Variants in RMDN2 observed in about 807,000 individuals in gnomAD.
The protein encoded by RMDN2 is regulator of microtubule dynamics protein 2.
A neutral mutation model predicts 52.8 loss-of-function variants in RMDN2; 61 were observed. That is an observed-to-expected ratio of 1.16 (90% CI 0.94 to 1.43). The LOEUF is 1.43. Among genes scored for constraint, RMDN2 ranks in the 40% most tolerant of loss-of-function variants. The probability of loss-of-function intolerance (pLI) is 0.00; values close to 1 mark genes in which losing one functional copy is unlikely to be tolerated. For missense variants in RMDN2, 592 were observed against 475.3 expected (o/e 1.25, Z -2.28); for synonymous variants, 180 against 153.1 (o/e 1.18, Z -1.30).
intron 10 of RMDN2, among the ~76,000 whole-genome samples, chr2:38,059,932 C>T (rs1008427329): frequency 3.9e-5 from 6 of 152,022 alleles, no homozygotes; most frequent in Admixed American, 6.6e-5. Context: ...GAGTCTCGCT[C>T]TGTCACCCAG....
At chr2:38,024,213 A>T (rs56770748) in intron 10 of RMDN2, among the ~76,000 whole-genome samples, 1 of 152,180 alleles carries the variant, frequency 6.6e-6, no homozygotes. Flanking sequence ...GCCTGTTTCC[A>T]GTATTTGATT....
At chr2:38,061,799 A>G (rs2125308884) in intron 10 of RMDN2, among the ~76,000 whole-genome samples, 1 of 152,262 alleles carries the variant, frequency 6.6e-6, no homozygotes, top group South Asian at 2.1e-4. Flanking sequence ...TCTGCCTACT[A>G]ATAGGTGCTC....
chr2:38,047,971 A>G (rs1014935596), intron 10 of RMDN2, among the ~76,000 whole-genome samples: 1 of 152,172 alleles, frequency 6.6e-6, no homozygotes, highest in African/African-American at 2.4e-5. Context: ...TACTCTGATC[A>G]CTCTGACTTT....
At chr2:37,941,984 C>A (rs974151378) in intron 2 of RMDN2, among the ~76,000 whole-genome samples, 10 of 152,032 alleles carry the variant, frequency 6.6e-5, no homozygotes, top group Admixed American at 5.2e-4. Flanking sequence ...TCGGTATCTG[C>A]CCAAACAGCT....
At chr2:37,936,806 C>T (rs562946579) in intron 2 of RMDN2, among the ~76,000 whole-genome samples, 15 of 152,194 alleles carry the variant, frequency 9.9e-5, no homozygotes, top group Admixed American at 3.3e-4. Context: ...CTTTGTCAGA[C>T]GAATAGATTG....
At position 37,991,624 on chromosome 2, in the gene RMDN2, G is replaced by A. The variant is rs117319817; in HGVS notation, c.945+327G>A. On this transcript the variant is annotated intron_variant, in intron 7 of 10. Transcript: ENST00000354545. The stretch of plus-strand genomic sequence containing the variant: ...TTTCATTTCTTTTTGCAGTAGTCAC[G>A]TTCCCTCCCTTTGTGGCTGTCTCAG... 1.4e-4 allele frequency among the ~76,000 whole-genome samples: 21 copies of A among 151,666 alleles called. No individual in the cohort carries two copies. The East Asian group carries it at 3.7e-3, about 27-fold the overall frequency.
rs1421698175 is a variant in RMDN2, at chr2:37,949,546, A to T, written c.452+19817A>T. 2.0e-5 allele frequency among the ~76,000 whole-genome samples: 3 copies of T among 152,202 alleles called. No individual in the cohort carries two copies. The East Asian group carries it at 5.8e-4, about 29-fold the overall frequency. ...ACCCACGAATCTCATGTCTTCTGCC[A>T]GCATCCATGATACAGTAAGAGATTA... On this transcript the variant is annotated intron_variant, in intron 2 of 10. Transcript: ENST00000354545.
intron 2 of RMDN2, among the ~76,000 whole-genome samples, chr2:37,965,464 AC>A (rs1438472805): frequency 3.3e-5 from 5 of 151,860 alleles, no homozygotes; most frequent in Non-Finnish European, 7.4e-5. Context: ...TTAAATTCAT[AC>A]CAACTTAATT....
intron 2 of RMDN2, among the ~76,000 whole-genome samples, chr2:37,945,987 C>T (rs955283326): frequency 6.6e-6 from 1 of 152,326 alleles, no homozygotes; most frequent in Non-Finnish European, 1.5e-5. Context: ...ATGTATAAAA[C>T]TCACCTCAAT....
chr2:37,983,184 A>C (rs995434156), intron 5 of RMDN2, among the ~76,000 whole-genome samples: 1 of 152,142 alleles, frequency 6.6e-6, no homozygotes, highest in Non-Finnish European at 1.5e-5. Flanking sequence ...ATCACATTAA[A>C]AATGTGCATT....
chr2:38,050,333 T>C (rs1483946758), intron 10 of RMDN2, among the ~76,000 whole-genome samples: 1 of 150,972 alleles, frequency 6.6e-6, no homozygotes, highest in Non-Finnish European at 1.5e-5. Flanking sequence ...CACACATGCC[T>C]AAGTATCCCC....
intron 10 of RMDN2, among the ~76,000 whole-genome samples, chr2:38,063,317 G>A (rs554421885): frequency 6.6e-6 from 1 of 152,232 alleles, no homozygotes; most frequent in Non-Finnish European, 1.5e-5. Context: ...ATTCTAACTG[G>A]TGTGAGATGG....
intron 2 of RMDN2, among the ~76,000 whole-genome samples, chr2:37,937,491 G>T (rs1481223704): frequency 6.6e-6 from 1 of 152,116 alleles, no homozygotes; most frequent in East Asian, 1.9e-4. Context: ...TTTGAGGAGT[G>T]TGGCCATTTT....
intron 10 of RMDN2, among the ~76,000 whole-genome samples, chr2:38,041,932 T>C (rs767037056): frequency 2.6e-5 from 4 of 152,160 alleles, no homozygotes; most frequent in African/African-American, 9.7e-5. Context: ...GTGCTCTCTT[T>C]GTCTGATTTT....
chr2:37,963,888 G>A (rs1009099578), intron 2 of RMDN2, among the ~76,000 whole-genome samples: 1 of 138,078 alleles, frequency 7.2e-6, no homozygotes, highest in Non-Finnish European at 1.7e-5. Flanking sequence ...CCCAGCAGGG[G>A]CGGCGGGGCA....
At chr2:38,033,022 T>C (rs1680321301) in intron 10 of RMDN2, 1 of 152,168 alleles carries the variant, frequency 6.6e-6, no homozygotes, top group South Asian at 2.1e-4. Context: ...CCATTGAAAA[T>C]ACATGAGAAT....
intron 10 of RMDN2, 78 bp from the exon 11 acceptor site, chr2:38,017,108 G>C: frequency 1.2e-6 from 1 of 864,444 alleles, no homozygotes; most frequent in African/African-American, 1.7e-5. Flanking sequence ...CCTCAAGTCA[G>C]TGTAAGTCTG....
In RMDN2 at chr2:37,982,863, C is replaced by T. The variant is rs186342520; in HGVS notation, c.791+1520C>T. ...AATTAACATATATGTTAAAGTACTT[C>T]TGTTCCTACGTTTAGTAGTAACTGT... On this transcript the variant is annotated intron_variant, in intron 5 of 10. Transcript: ENST00000354545. Among the ~76,000 whole-genome samples the T allele has an allele frequency of 7.2e-5, 11 of 152,302 alleles. No homozygotes were observed. The East Asian group carries it at 1.9e-3, about 27-fold the overall frequency.
intron 2 of RMDN2, among the ~76,000 whole-genome samples, chr2:37,931,695 T>G (rs145315556): frequency 1.9e-3 from 295 of 152,352 alleles, no homozygotes; most frequent in African/African-American, 6.5e-3. Flanking sequence ...TTATGGGACT[T>G]AATGAATTTC....
Sources: allele counts gnomAD v4.1 joint callset (sites outside exome capture counted in the v4.1 genomes callset), GRCh38; gene constraint gnomAD v4.1.1; transcripts MANE v1.5; gene names NCBI Gene and HGNC (gene_info 2026-07-23, HGNC 2026-07-21).